The following ZNF423 variants were observed in gnomAD, a reference collection of about 807,000 sequenced individuals.
ZNF423 encodes the protein zinc finger protein 423, also known as Ebf-associated zinc finger protein.
A neutral mutation model predicts 95.8 loss-of-function variants in ZNF423; 12 were observed. The observed-to-expected ratio is 0.13, with a 90% CI of 0.08 to 0.20. The LOEUF (loss-of-function observed/expected upper bound fraction) is 0.20, where lower values mean the gene tolerates loss of function less well. Ranked by LOEUF, ZNF423 falls within the 10% of genes least tolerant of loss-of-function variation. The pLI is 1.00. For synonymous variants in ZNF423, 749 were observed against 711.9 expected (o/e 1.05, Z -0.83); for missense variants, 1,316 against 1,737.1 (o/e 0.76, Z 4.31).
intron 3 of ZNF423, among the ~76,000 whole-genome samples, chr16:49,719,236 G>A (rs375390766): frequency 2.0e-5 from 3 of 152,134 alleles, no homozygotes; most frequent in South Asian, 2.1e-4. Flanking sequence ...AGGAAGTGCC[G>A]GCCTAATGAA....
At chr16:49,729,742 G>A (rs2143375656) in intron 3 of ZNF423, among the ~76,000 whole-genome samples, 1 of 151,768 alleles carries the variant, frequency 6.6e-6, no homozygotes, top group East Asian at 1.9e-4. Flanking sequence ...AGCCAGCCCT[G>A]TGCAGGCACA....
At chr16:49,819,710 A>G (rs1363077720) in intron 1 of ZNF423, among the ~76,000 whole-genome samples, 2 of 152,102 alleles carry the variant, frequency 1.3e-5, no homozygotes, top group African/African-American at 4.8e-5. Context: ...TGGCCTCCCA[A>G]AGTGCTAGAT....
In ZNF423 at chr16:49,489,009, C is replaced by T. The variant is rs1367514733; in HGVS notation, c.*2266G>A. ...CCTCACGGTCCCCTAGGCCGCCTCT[C>T]TCCTTACCCAAGGCATCAGCCGGCT... On this transcript the variant is annotated 3_prime_UTR_variant, in exon 8 of 8. Transcript: ENST00000563137. The T allele has an allele frequency of 6.6e-6, 1 of 152,262 alleles. No individual in the cohort carries two copies. Among genetic ancestry groups the T allele is most frequent in the Non-Finnish European group, 1.5e-5 (1 of 68,084 alleles). The allele number at this position is 152,262 out of a possible 1,614,324, so 9.4% of individuals were successfully genotyped here. A position where few individuals can be genotyped will look rare whatever the true frequency, so the allele number is the denominator to read the frequency against.
In ZNF423 at chr16:49,492,490, G is replaced by A. The variant is rs1376771050; in HGVS notation, c.3850-1186C>T. ...GAGGCCGAGGCCGGGGCCGGGGCCG[G>A]GGCCGGGGCCGAGACGGGCCACTCC... On this transcript the variant is annotated intron_variant, in intron 7 of 7. Coordinates refer to ENST00000563137, the MANE Select transcript of ZNF423 (RefSeq NM_001379286.1). This position sits in a 1 kb window ranked among gnomAD's most constrained non-coding sequence, Gnocchi z 4.2. 2.0e-5 allele frequency among the ~76,000 whole-genome samples: 3 copies of A among 150,602 alleles called. No individual in the cohort carries two copies. Among genetic ancestry groups the A allele is most frequent in the Non-Finnish European group, 4.4e-5 (3 of 67,732 alleles).
At chr16:49,631,181 G>A (rs77052717) in intron 4 of ZNF423, among the ~76,000 whole-genome samples, 155 of 152,182 alleles carry the variant, frequency 1.0e-3, no homozygotes, top group Non-Finnish European at 1.7e-3. Context: ...TACACACACC[G>A]GTACTCCCAA....
rs1279202209 is a variant in ZNF423 at position 49,826,446 on chromosome 16, C to T, written c.40+29289G>A. Among the ~76,000 whole-genome samples, 6 of 152,312 alleles carry T rather than the reference C, an allele frequency of 3.9e-5. No individual in the cohort carries two copies. The East Asian group carries it at 1.2e-3, about 29-fold the overall frequency. On this transcript the variant is annotated intron_variant, in intron 1 of 7. Transcript: ENST00000563137. ...CAAGTCAGGCTGGATTGATTCATGG[C>T]ATCTTCAACCTTAACTCCTGCCCAG...
At chr16:49,850,081 C>G (rs1181281318) in intron 1 of ZNF423, among the ~76,000 whole-genome samples, 1 of 152,222 alleles carries the variant, frequency 6.6e-6, no homozygotes, top group Non-Finnish European at 1.5e-5. Context: ...ATGGAGCAAT[C>G]AGCTAATTGG....
At chr16:49,750,296 T>C (rs2033610009) in intron 2 of ZNF423, among the ~76,000 whole-genome samples, 1 of 152,174 alleles carries the variant, frequency 6.6e-6, no homozygotes, top group African/African-American at 2.4e-5. Context: ...GTTTTGTCAC[T>C]AACATTTAAA....
At position 49,638,883 on chromosome 16, in the gene ZNF423, G is replaced by GA; in HGVS notation, c.302-10dup. 1.9e-6 allele frequency: 3 copies of GA among 1,595,154 alleles called. No homozygotes were observed. The highest frequency in any genetic ancestry group is 2.6e-6 in the Non-Finnish European group (3 of 1,169,630). On this transcript the variant is annotated splice_polypyrimidine_tract_variant and intron_variant, in intron 3 of 7. Coordinates refer to ENST00000563137, the MANE Select transcript of ZNF423 (RefSeq NM_001379286.1). This position sits in a 1 kb window ranked among gnomAD's most constrained non-coding sequence, Gnocchi z 5.6. ...TGGGTCGTCATCACCATCTGCAAGAGAAGGCAGAGAGGATATTAGAGGCAA... is the reference window on the plus strand; with the variant it reads ...TGGGTCGTCATCACCATCTGCAAGAGAAAGGCAGAGAGGATATTAGAGGCAA...
At chr16:49,794,021 G>GTCTC (rs5816660) in intron 1 of ZNF423, among the ~76,000 whole-genome samples, 99 of 148,658 alleles carry the variant, frequency 6.7e-4, no homozygotes, top group East Asian at 5.9e-3. Context: ...GTCTGTCTCT[G>GTCTC]TCTCTCTCTC....
intron 5 of ZNF423, among the ~76,000 whole-genome samples, chr16:49,566,959 A>C (rs1213473780): frequency 2.0e-5 from 3 of 152,142 alleles, no homozygotes. Context: ...TGTGTTCCTA[A>C]GCTGCCAGCA....
intron 3 of ZNF423, among the ~76,000 whole-genome samples, chr16:49,715,935 C>T (rs2032692194): frequency 3.3e-5 from 5 of 151,966 alleles, no homozygotes; most frequent in Admixed American, 3.3e-4. Context: ...ATAGTCCCAG[C>T]TACTCGGGAG....
intron 1 of ZNF423, chr16:49,822,691 T>G: frequency 6.2e-7 from 1 of 1,612,030 alleles, no homozygotes; most frequent in Non-Finnish European, 8.5e-7. Context: ...TGCATCCATG[T>G]CTTTCTTCTT....
intron 2 of ZNF423, among the ~76,000 whole-genome samples, chr16:49,745,448 A>G (rs2033501698): frequency 6.6e-6 from 1 of 152,220 alleles, no homozygotes. Flanking sequence ...TATTTGTGCT[A>G]CTATTGAAGG....
chr16:49,601,013 A>G (rs1596699793), intron 5 of ZNF423, among the ~76,000 whole-genome samples: 1 of 152,278 alleles, frequency 6.6e-6, no homozygotes, highest in Middle Eastern at 3.4e-3. Flanking sequence ...AAAAATGGGG[A>G]CTATTAATCT....
chr16:49,672,554 C>T (rs555035429), intron 3 of ZNF423, among the ~76,000 whole-genome samples: 76 of 152,218 alleles, frequency 5.0e-4, no homozygotes, highest in Non-Finnish European at 1.0e-3. Flanking sequence ...TGGTGGTTCA[C>T]GCCTGTAATC....
At chr16:49,713,435 G>A (rs1409209999) in intron 3 of ZNF423, among the ~76,000 whole-genome samples, 1 of 152,158 alleles carries the variant, frequency 6.6e-6, no homozygotes, top group African/African-American at 2.4e-5. Flanking sequence ...TGCAGTGGGG[G>A]AGGAGACAGA....
intron 5 of ZNF423, among the ~76,000 whole-genome samples, chr16:49,587,976 C>T (rs1390053577): frequency 6.6e-6 from 1 of 152,180 alleles, no homozygotes; most frequent in Non-Finnish European, 1.5e-5. Flanking sequence ...CTTCCTAACC[C>T]ATTCATACTA....
At chr16:49,571,884 C>A (rs1449861370) in intron 5 of ZNF423, among the ~76,000 whole-genome samples, 1 of 152,164 alleles carries the variant, frequency 6.6e-6, no homozygotes, top group African/African-American at 2.4e-5. Context: ...TACTATTATT[C>A]TTGCTTTCTT....
Sources: gnomAD v4.1 joint callset for allele counts (sites outside exome capture counted in the v4.1 genomes callset) on GRCh38, gnomAD v4.1.1 for gene constraint, Gnocchi (gnomAD v3.1) non-coding constraint, MANE v1.5 for transcripts, NCBI Gene and HGNC (gene_info 2026-07-23, HGNC 2026-07-21) for gene names.